The following NCR1 variants were observed in gnomAD, a reference collection of about 807,000 sequenced individuals.
The protein encoded by NCR1 is natural cytotoxicity triggering receptor 1.
A neutral mutation model predicts 32.5 loss-of-function variants in NCR1; 30 were observed. That is an observed-to-expected ratio of 0.92 (90% CI 0.69 to 1.25). The LOEUF is 1.25. Among genes scored for constraint, NCR1 ranks in the 50% most tolerant of loss-of-function variants. The probability of loss-of-function intolerance (pLI) is 0.00; values close to 1 mark genes in which losing one functional copy is unlikely to be tolerated. For missense variants in NCR1, 369 were observed against 380.7 expected, an observed-to-expected ratio of 0.97 and a Z score of 0.26; for synonymous variants, 169 against 143.4, an observed-to-expected ratio of 1.18 and a Z score of -1.28.
the NCR1 span, chr19:54,934,590 G>A: frequency 1.6e-5 from 26 of 1,614,000 alleles, no homozygotes; most frequent in Non-Finnish European, 2.1e-5. This position sits in a 1 kb window ranked among gnomAD's most constrained non-coding sequence, Gnocchi z 6.7. Flanking sequence ...GGTGCTTCAG[G>A]GACTGGTTGG....
At position 54,909,387 on chromosome 19, in the gene NCR1, C is replaced by G; in HGVS notation, c.498C>G (p.Arg166=). ...AGGGAAGATCCAGCCACGTACAGCG[C>G]GGATACGGGAAGGTCCAGGCGGAGT... ...LKEGRSSHVQ[R]GYGKVQAEFP... is the part of the protein sequence containing the mutation. The change falls in exon 4 of 7, where the codon CGC becomes CGG. Residue 166 remains arginine (R), a synonymous_variant. Coordinates refer to ENST00000291890, the MANE Select transcript of NCR1 (RefSeq NM_004829.7). The G allele has an allele frequency of 6.2e-7, 1 of 1,614,008 alleles. No homozygotes were observed. Among genetic ancestry groups the G allele is most frequent in the Non-Finnish European group, 8.5e-7 (1 of 1,180,008 alleles).
At chr19:54,914,215 C>CG (rs764665437), downstream of NCR1, among the ~76,000 whole-genome samples, 1 of 122,458 alleles carries the variant, frequency 8.2e-6, no homozygotes, top group Admixed American at 8.3e-5. Flanking sequence ...CAGAATTTCA[C>CG]TTTTTTTTTT....
intron 3 of NCR1, among the ~76,000 whole-genome samples, chr19:54,907,879 G>A (rs587773405): frequency 2.3e-4 from 35 of 152,208 alleles, no homozygotes; most frequent in Admixed American, 2.0e-3. Context: ...TCATATACTT[G>A]TGTTGAAATA....
the NCR1 span, among the ~76,000 whole-genome samples, chr19:54,899,107 C>G: frequency 1.3e-5 from 2 of 152,054 alleles, no homozygotes; most frequent in African/African-American, 4.8e-5. Context: ...GGCATAGAGA[C>G]TAGGGAGGGA....
the NCR1 span, among the ~76,000 whole-genome samples, chr19:54,928,940 T>G: frequency 6.6e-6 from 1 of 151,914 alleles, no homozygotes; most frequent in Non-Finnish European, 1.5e-5. Flanking sequence ...GAATCTAGGA[T>G]TACAGTCATA....
the NCR1 span, chr19:54,933,859 CT>C: frequency 1.1e-6 from 1 of 882,628 alleles, no homozygotes. Flanking sequence ...CCCCTGCCCT[CT>C]GTCCTGTGGG....
At chr19:54,936,196 G>T in the NCR1 span, 1 of 1,452,294 alleles carries the variant, frequency 6.9e-7, no homozygotes, top group Non-Finnish European at 9.7e-7. Flanking sequence ...CTTTTTCCTA[G>T]ATCCCCCAGC....
chr19:54,930,534 T>C, the NCR1 span: 901,293 of 1,607,408 alleles, frequency 0.56, 254,815 homozygotes, highest in East Asian at 0.72. Flanking sequence ...GATTCTCTAA[T>C]GCCTGACAGA....
the NCR1 span, among the ~76,000 whole-genome samples, chr19:54,934,165 T>G: frequency 6.6e-6 from 1 of 152,102 alleles, no homozygotes; most frequent in Non-Finnish European, 1.5e-5. The surrounding 1 kb of genome is among the most constrained non-coding windows in gnomAD (Gnocchi z 6.7). Flanking sequence ...ATGGTCTCGA[T>G]CTCTTGACCT....
chr19:54,933,642 G>A, the NCR1 span: 10 of 1,614,146 alleles, frequency 6.2e-6, no homozygotes, highest in East Asian at 1.6e-4. Context: ...TCCCCAATGG[G>A]GTTCTTGGCC....
upstream of NCR1, among the ~76,000 whole-genome samples, chr19:54,901,329 C>A (rs147861498): frequency 7.3e-6 from 1 of 137,366 alleles, no homozygotes; most frequent in Non-Finnish European, 1.5e-5. Flanking sequence ...CCACTGCACT[C>A]CAGCATGGGT....
At chr19:54,928,459 G>A in the NCR1 span, among the ~76,000 whole-genome samples, 1 of 152,126 alleles carries the variant, frequency 6.6e-6, no homozygotes. Flanking sequence ...GAAAGGCAGA[G>A]GGGAGTGAGC....
chr19:54,910,028 G>A lies in NCR1; in HGVS notation c.645G>A (p.Glu215=). ...PVKLLVTGDI[E]NTSLAPEDPT... is the part of the protein sequence containing the mutation. ...TATCTCCTTTTCCAGGCGACATTGA[G>A]AACACCAGCCTTGCACCTGAAGACC... The change falls in exon 5 of 7, where the codon GAG becomes GAA. Residue 215 remains glutamate, a synonymous_variant. Coordinates refer to ENST00000291890, the MANE Select transcript of NCR1 (RefSeq NM_004829.7). 1.2e-6 allele frequency: 2 copies of A among 1,612,046 alleles called. No homozygotes were observed. Among genetic ancestry groups the A allele is most frequent in the Non-Finnish European group, 1.7e-6 (2 of 1,179,588 alleles).
chr19:54,934,555 A>C, the NCR1 span: 2 of 1,614,032 alleles, frequency 1.2e-6, no homozygotes, highest in East Asian at 2.2e-5. The surrounding 1 kb of genome is among the most constrained non-coding windows in gnomAD (Gnocchi z 6.7). Flanking sequence ...ACCCTCATCC[A>C]GGAGCACATT....
At chr19:54,920,137 CGGTGCCTG>C (rs1423396960), downstream of NCR1, among the ~76,000 whole-genome samples, 1 of 152,188 alleles carries the variant, frequency 6.6e-6, no homozygotes, top group Non-Finnish European at 1.5e-5. Flanking sequence ...TCTCTTGCCT[CGGTGCCTG>C]GGTGCCTTGC....
rs751098595 is a variant in NCR1, at chr19:54,912,303, G to A, written c.733+85G>A. The A allele has an allele frequency of 3.2e-4, 442 of 1,392,074 alleles. 1 individual carries two copies. Among genetic ancestry groups the A allele is most frequent in the Non-Finnish European group, 4.4e-4 (431 of 982,182 alleles). 86.2% of individuals were successfully genotyped at this position (1,392,074 alleles called of 1,614,324 possible). On this transcript the variant is annotated intron_variant, in intron 6 of 6. Transcript: ENST00000291890. ...AGGAAGGGAATCTAAATGGGAACAA[G>A]AGGGTGTCCTTGGCCAGGCGCAGTA...
chr19:54,918,691 G>A (rs2068182348), downstream of NCR1, among the ~76,000 whole-genome samples: 2 of 151,960 alleles, frequency 1.3e-5, no homozygotes, highest in Non-Finnish European at 2.9e-5. Context: ...AGAACATACA[G>A]AGCCAGGCAC....
the NCR1 span, among the ~76,000 whole-genome samples, chr19:54,927,397 AAAAG>A: frequency 1.3e-5 from 2 of 152,016 alleles, no homozygotes; most frequent in East Asian, 1.9e-4. Context: ...AAAAAAAAGA[AAAAG>A]AAAAAAATTA....
At chr19:54,901,124 A>G in the NCR1 span, among the ~76,000 whole-genome samples, 1 of 5,690 alleles carries the variant, frequency 1.8e-4, no homozygotes, top group Admixed American at 1.2e-3. Flanking sequence ...CTCTACTTTG[A>G]AAAAAAAAAA....
Sources: gnomAD v4.1 joint callset for allele counts (sites outside exome capture counted in the v4.1 genomes callset) on GRCh38, gnomAD v4.1.1 for gene constraint, Gnocchi (gnomAD v3.1) non-coding constraint, MANE v1.5 for transcripts, NCBI Gene and HGNC (gene_info 2026-07-23, HGNC 2026-07-21) for gene names.